SORL1-AS1: variants seen among roughly 807,000 people sequenced by gnomAD.
SORL1-AS1 encodes lncRNA 51 A.
intron 1 of SORL1-AS1, among the ~76,000 whole-genome samples, chr11:121,451,642 T>G (rs540930980): frequency 2.6e-5 from 4 of 152,354 alleles, no homozygotes; most frequent in African/African-American, 9.6e-5. Flanking sequence ...TTGCTGTGCT[T>G]CAGGCTGGGG....
In SORL1-AS1 at chr11:121,452,886, C is replaced by T; in HGVS notation, n.128G>A. The T allele has an allele frequency of 2.6e-6, 1 of 387,396 alleles. No homozygotes were observed. 24.0% of individuals were successfully genotyped at this position (387,396 alleles called of 1,614,324 possible). On this transcript the variant is annotated non_coding_transcript_exon_variant, in exon 1 of 2. Transcript: ENST00000501964. The surrounding 1 kb of genome is among the most constrained non-coding windows in gnomAD (Gnocchi z 5.3). ...GGGTGTGTGCAGAGAGATGTAGTTT[C>T]CGGCAGGTATAGGAGGGGTGCAGCT...
chr11:121,440,551 A>G, the SORL1-AS1 span, among the ~76,000 whole-genome samples: 2 of 152,234 alleles, frequency 1.3e-5, no homozygotes, highest in South Asian at 2.1e-4. Flanking sequence ...CATAGAAACC[A>G]GAATTCCTCT....
At position 121,452,215 on chromosome 11, in the gene SORL1-AS1, C is replaced by T. The variant is rs917595307; in HGVS notation, n.339+460G>A. Reference sequence around the variant, plus strand: ...CGCAGCGGGGCGGCCCGGAGCGGCGCGGGCGGCCTGGAGCCCCGGGAGCGG... The same window carrying T: ...CGCAGCGGGGCGGCCCGGAGCGGCGTGGGCGGCCTGGAGCCCCGGGAGCGG... On this transcript the variant is annotated intron_variant and non_coding_transcript_variant, in intron 1 of 1. Coordinates refer to ENST00000501964, the Ensembl canonical transcript of SORL1-AS1. The surrounding 1 kb of genome is among the most constrained non-coding windows in gnomAD (Gnocchi z 5.3). 20 of 665,574 alleles carry T rather than the reference C, an allele frequency of 3.0e-5. No homozygotes were observed. The African/African-American group carries it at 3.9e-4, about 13-fold the overall frequency. The allele number at this position is 665,574 out of a possible 1,614,324, so 41.2% of individuals were successfully genotyped here. A position where few individuals can be genotyped will look rare whatever the true frequency, so the allele number is the denominator to read the frequency against.
rs1449986081 is a variant in SORL1-AS1 at position 121,450,342 on chromosome 11, T to C, written n.340-443A>G. Among the ~76,000 whole-genome samples the C allele has an allele frequency of 6.6e-6, 1 of 152,134 alleles. No individual in the cohort carries two copies. Among genetic ancestry groups the C allele is most frequent in the Admixed American group, 6.5e-5 (1 of 15,274 alleles). On this transcript the variant is annotated intron_variant and non_coding_transcript_variant, in intron 1 of 1. Transcript: ENST00000501964. This position sits in a 1 kb window ranked among gnomAD's most constrained non-coding sequence, Gnocchi z 5.2. Reference sequence around the variant, plus strand: ...GAGAGACCATGGGGTTGTCCATTCCTGGTAAGGTGATGCTGACCAGACAGA... The same window carrying C: ...GAGAGACCATGGGGTTGTCCATTCCCGGTAAGGTGATGCTGACCAGACAGA...
rs1860824636 is a variant in SORL1-AS1, at chr11:121,452,712, G to A, written n.302C>T. On this transcript the variant is annotated non_coding_transcript_exon_variant, in exon 1 of 2. Transcript: ENST00000501964. This position sits in a 1 kb window ranked among gnomAD's most constrained non-coding sequence, Gnocchi z 5.3. ...CCGTTGCAGTCGCCTCCTAGGTGCA[G>A]GCACCACTGGGGACTTCCCGGCTTG... 10 of 1,133,500 alleles carry A rather than the reference G, an allele frequency of 8.8e-6. No individual in the cohort carries two copies. The highest frequency in any genetic ancestry group is 1.2e-5 in the Non-Finnish European group (10 of 857,998). The allele number at this position is 1,133,500 out of a possible 1,614,324, so 70.2% of individuals were successfully genotyped here. A position where few individuals can be genotyped will look rare whatever the true frequency, so the allele number is the denominator to read the frequency against.
chr11:121,445,683 CA>C (rs1860713328), downstream of SORL1-AS1, among the ~76,000 whole-genome samples: 1 of 151,902 alleles, frequency 6.6e-6, no homozygotes, highest in Admixed American at 6.6e-5. Flanking sequence ...AACTTCCACA[CA>C]CACACCTGAA....
intron 1 of SORL1-AS1, among the ~76,000 whole-genome samples, chr11:121,451,498 G>C (rs1837515541): frequency 6.6e-6 from 1 of 152,200 alleles, no homozygotes; most frequent in Non-Finnish European, 1.5e-5. Context: ...CCGCCGCTGG[G>C]GCCCTGTGCC....
chr11:121,442,741 T>C (rs1298863702), downstream of SORL1-AS1, among the ~76,000 whole-genome samples: 1 of 149,306 alleles, frequency 6.7e-6, no homozygotes, highest in Non-Finnish European at 1.5e-5. Context: ...TGCAGTGGCG[T>C]GATCTCGGCT....
exon 2 of SORL1-AS1, chr11:121,447,910 G>C (rs1447877623): frequency 2.6e-5 from 4 of 152,186 alleles, no homozygotes; most frequent in African/African-American, 2.4e-5. Context: ...AATTCCCGCT[G>C]TTCCACTATA....
the SORL1-AS1 span, among the ~76,000 whole-genome samples, chr11:121,438,158 T>C: frequency 2.6e-5 from 4 of 152,208 alleles, no homozygotes; most frequent in Non-Finnish European, 4.4e-5. Flanking sequence ...AGTCTTAAAA[T>C]CTGAGGGCTT....
Position 121,452,776 on chromosome 11 carries a change from T to A in SORL1-AS1, n.238A>T. 1 of 557,132 alleles carries A rather than the reference T, an allele frequency of 1.8e-6. No homozygotes were observed. The highest frequency in any genetic ancestry group is 2.9e-6 in the Non-Finnish European group (1 of 339,798). The allele number at this position is 557,132 out of a possible 1,614,324, so 34.5% of individuals were successfully genotyped here. A position where few individuals can be genotyped will look rare whatever the true frequency, so the allele number is the denominator to read the frequency against. On this transcript the variant is annotated non_coding_transcript_exon_variant, in exon 1 of 2. Transcript: ENST00000501964. The surrounding 1 kb of genome is among the most constrained non-coding windows in gnomAD (Gnocchi z 5.3). ...CCTTCACGAGTACAACCGTCAGCACTTGAATCGCATTGATCTTTCCTTCTT... is the reference window on the plus strand; with the variant it reads ...CCTTCACGAGTACAACCGTCAGCACATGAATCGCATTGATCTTTCCTTCTT...
At chr11:121,445,419 C>A (rs1860709473), downstream of SORL1-AS1, among the ~76,000 whole-genome samples, 1 of 152,182 alleles carries the variant, frequency 6.6e-6, no homozygotes, top group African/African-American at 2.4e-5. Context: ...CGGATCCCTG[C>A]ACCACAGTGC....
downstream of SORL1-AS1, among the ~76,000 whole-genome samples, chr11:121,444,595 A>G (rs905994920): frequency 2.6e-5 from 4 of 152,330 alleles, no homozygotes; most frequent in African/African-American, 9.6e-5. Flanking sequence ...AGGTGATTAA[A>G]TGATCTGGGC....
downstream of SORL1-AS1, among the ~76,000 whole-genome samples, chr11:121,444,484 G>A (rs961538567): frequency 6.6e-6 from 1 of 152,174 alleles, no homozygotes; most frequent in Non-Finnish European, 1.5e-5. Context: ...TGGCAGAGCC[G>A]GATATAAACC....
downstream of SORL1-AS1, among the ~76,000 whole-genome samples, chr11:121,442,666 T>TTTAC (rs1278954320): frequency 4.4e-5 from 6 of 134,994 alleles, no homozygotes; most frequent in East Asian, 2.1e-4. Context: ...TATTTATTTA[T>TTTAC]TTATTTATTT....
chr11:121,449,084 A>G (rs1382022212), exon 2 of SORL1-AS1: 5 of 152,118 alleles, frequency 3.3e-5, no homozygotes, highest in Admixed American at 1.3e-4. Flanking sequence ...GGACACTGTG[A>G]CCTCTGTGTG....
the SORL1-AS1 span, among the ~76,000 whole-genome samples, chr11:121,438,755 C>T: frequency 1.3e-5 from 2 of 152,150 alleles, no homozygotes; most frequent in Non-Finnish European, 2.9e-5. Context: ...TGGCCAGGTG[C>T]GGTGGCTCAT....
At chr11:121,445,287 C>T (rs1198491142), downstream of SORL1-AS1, among the ~76,000 whole-genome samples, 1 of 152,186 alleles carries the variant, frequency 6.6e-6, no homozygotes, top group African/African-American at 2.4e-5. Flanking sequence ...CACAGGTCCT[C>T]CCACTTCTCC....
At position 121,452,545 on chromosome 11, in the gene SORL1-AS1, G is replaced by T. The variant is rs1244277632; in HGVS notation, n.339+130C>A. 1 of 1,498,342 alleles carries T rather than the reference G, an allele frequency of 6.7e-7. No individual in the cohort carries two copies. Among genetic ancestry groups the T allele is most frequent in the Non-Finnish European group, 8.9e-7 (1 of 1,129,720 alleles). 92.8% of individuals were successfully genotyped at this position (1,498,342 alleles called of 1,614,324 possible). A position where few individuals can be genotyped will look rare whatever the true frequency, so the allele number is the denominator to read the frequency against. On this transcript the variant is annotated intron_variant and non_coding_transcript_variant, in intron 1 of 1. Coordinates refer to ENST00000501964, the Ensembl canonical transcript of SORL1-AS1. The surrounding 1 kb of genome is among the most constrained non-coding windows in gnomAD (Gnocchi z 5.3). ...CGGGGATGCCAGGGGGGCGAGCCGC[G>T]CGGACGAGAAGCCGCTCCGGAGGAA...
Sources: allele counts gnomAD v4.1 joint callset (sites outside exome capture counted in the v4.1 genomes callset), GRCh38; gene constraint gnomAD v4.1.1; non-coding constraint Gnocchi (gnomAD v3.1); transcripts MANE v1.5; gene names NCBI Gene and HGNC (gene_info 2026-07-23, HGNC 2026-07-21).